The following ULK4 variants were observed in gnomAD, a reference collection of about 807,000 sequenced individuals.
The protein encoded by ULK4 is inactive serine/threonine-protein kinase ULK4.
In ULK4, 133 loss-of-function variants were observed where a neutral mutation model predicts 160.6. That is an observed-to-expected ratio of 0.83 (90% CI 0.72 to 0.96). The LOEUF is 0.96. Ranked by LOEUF, ULK4 falls within the 40% of genes least tolerant of loss-of-function variation. ULK4 has a pLI of 0.00. For missense variants in ULK4, 1,580 were observed against 1,499.5 expected (o/e 1.05, Z -0.89); for synonymous variants, 534 against 539.8 (o/e 0.99, Z 0.15).
intron 17 of ULK4, among the ~76,000 whole-genome samples, chr3:41,874,211 A>G (rs1251491694): frequency 6.6e-6 from 1 of 152,188 alleles, no homozygotes. Context: ...GCTAGGCGAG[A>G]GAGAAGAGGA....
chr3:41,950,324 T>A (rs183956569), intron 2 of ULK4, among the ~76,000 whole-genome samples: 33 of 152,204 alleles, frequency 2.2e-4, no homozygotes, highest in Admixed American at 1.8e-3. Flanking sequence ...CACTGCAACC[T>A]CCACCTCCTG....
At chr3:41,445,161 T>C (rs957716692) in intron 34 of ULK4, among the ~76,000 whole-genome samples, 10 of 152,278 alleles carry the variant, frequency 6.6e-5, no homozygotes, top group African/African-American at 2.2e-4. Context: ...GAATCCAACT[T>C]ACAAGGGATG....
intron 2 of ULK4, among the ~76,000 whole-genome samples, chr3:41,953,245 T>C (rs1334732009): frequency 2.8e-5 from 4 of 145,144 alleles, no homozygotes; most frequent in East Asian, 2.0e-4. Context: ...CACACATATA[T>C]ATACACATAC....
chr3:41,494,506 T>C (rs1575307953), intron 32 of ULK4, among the ~76,000 whole-genome samples: 2 of 150,738 alleles, frequency 1.3e-5, no homozygotes, highest in East Asian at 3.9e-4. Context: ...AGCATTCCCT[T>C]TGAAAACTGG....
intron 27 of ULK4, among the ~76,000 whole-genome samples, chr3:41,695,897 G>A (rs1415315316): frequency 6.6e-6 from 1 of 152,120 alleles, no homozygotes; most frequent in South Asian, 2.1e-4. Context: ...AGGCCATACA[G>A]AGATAGGAGC....
At chr3:41,497,303 T>G (rs1257022010) in intron 32 of ULK4, among the ~76,000 whole-genome samples, 1 of 151,938 alleles carries the variant, frequency 6.6e-6, no homozygotes, top group Non-Finnish European at 1.5e-5. Flanking sequence ...TGAAAATAGA[T>G]CTATAGAAAT....
intron 35 of ULK4, among the ~76,000 whole-genome samples, chr3:41,334,196 G>A (rs1219278024): frequency 6.6e-6 from 1 of 152,162 alleles, no homozygotes; most frequent in Non-Finnish European, 1.5e-5. Flanking sequence ...CGGAGGGCTT[G>A]TCACAGGGGC....
At chr3:41,432,329 A>C (rs1054293133) in intron 34 of ULK4, among the ~76,000 whole-genome samples, 7 of 152,310 alleles carry the variant, frequency 4.6e-5, no homozygotes, top group South Asian at 2.1e-4. Flanking sequence ...TCACCTCCCC[A>C]AAAACAACAA....
intron 11 of ULK4, among the ~76,000 whole-genome samples, chr3:41,908,233 A>G (rs1698649085): frequency 6.6e-6 from 1 of 152,254 alleles, no homozygotes; most frequent in Non-Finnish European, 1.5e-5. Context: ...TAACATAAAT[A>G]AAATAGATCA....
At chr3:41,717,626 TCAAGAACAGA>T in intron 23 of ULK4, 92 bp downstream of exon 23, 1 of 1,438,014 alleles carries the variant, frequency 7.0e-7, no homozygotes, top group Non-Finnish European at 9.4e-7. Context: ...GCATTTGCCT[TCAAGAACAGA>T]CAAGTAAGAA....
At chr3:41,562,790 C>G (rs529336889) in intron 32 of ULK4, among the ~76,000 whole-genome samples, 3 of 152,162 alleles carry the variant, frequency 2.0e-5, no homozygotes, top group Non-Finnish European at 4.4e-5. Flanking sequence ...ACACAGCACA[C>G]TGATGGGTCT....
At chr3:41,950,308 T>G (rs994674105) in intron 2 of ULK4, among the ~76,000 whole-genome samples, 4 of 151,958 alleles carry the variant, frequency 2.6e-5, no homozygotes, top group Non-Finnish European at 5.9e-5. Context: ...TGGTGCAATC[T>G]TGGCTCACTG....
chr3:41,491,496 T>A (rs2084762055), intron 32 of ULK4, among the ~76,000 whole-genome samples: 1 of 151,816 alleles, frequency 6.6e-6, no homozygotes, highest in Non-Finnish European at 1.5e-5. Flanking sequence ...TACACAAAAA[T>A]ATATAGAAAT....
At chr3:41,745,878 T>TA (rs1158182217) in intron 22 of ULK4, among the ~76,000 whole-genome samples, 6 of 150,940 alleles carry the variant, frequency 4.0e-5, no homozygotes, top group African/African-American at 7.3e-5. Context: ...TAGCAACAGC[T>TA]AAAAAAATCA....
intron 32 of ULK4, among the ~76,000 whole-genome samples, chr3:41,530,817 G>A (rs1381311549): frequency 1.3e-5 from 2 of 152,094 alleles, no homozygotes; most frequent in African/African-American, 2.4e-5. Context: ...AGGCTGGAGT[G>A]CAGTGGCATG....
chr3:41,713,846 G>T (rs899677698), intron 25 of ULK4, among the ~76,000 whole-genome samples: 3 of 152,078 alleles, frequency 2.0e-5, no homozygotes, highest in African/African-American at 4.8e-5. Context: ...AGACTTTTCT[G>T]TTGGAAAATC....
chr3:41,490,014 C>T (rs775351212), intron 32 of ULK4, among the ~76,000 whole-genome samples: 3 of 152,114 alleles, frequency 2.0e-5, no homozygotes, highest in Non-Finnish European at 2.9e-5. Flanking sequence ...GATTTGAAAC[C>T]TTGGTGGCAA....
At chr3:41,554,388 T>C (rs2087205154) in intron 32 of ULK4, among the ~76,000 whole-genome samples, 2 of 152,104 alleles carry the variant, frequency 1.3e-5, no homozygotes, top group Non-Finnish European at 2.9e-5. Flanking sequence ...GAGAATGAAA[T>C]CATATCATTT....
chr3:41,680,132 C>T (rs2035872558), intron 29 of ULK4, among the ~76,000 whole-genome samples: 1 of 152,150 alleles, frequency 6.6e-6, no homozygotes, highest in South Asian at 2.1e-4. Context: ...GCACTAAAAA[C>T]ATTAATCCCA....
Sources: allele counts gnomAD v4.1 joint callset (sites outside exome capture counted in the v4.1 genomes callset), GRCh38; gene constraint gnomAD v4.1.1; transcripts MANE v1.5; gene names NCBI Gene and HGNC (gene_info 2026-07-23, HGNC 2026-07-21).